The following CADM1 variants were observed in gnomAD, a reference collection of about 807,000 sequenced individuals.
CADM1 encodes the protein TSLC-1.
A neutral mutation model predicts 53.1 loss-of-function variants in CADM1; 15 were observed. The observed-to-expected ratio is 0.28, with a 90% confidence interval of 0.19 to 0.44. The LOEUF is 0.44. Ranked by LOEUF, CADM1 falls within the 20% of genes least tolerant of loss-of-function variation. CADM1 has a pLI of 1.00. For synonymous variants in CADM1, 281 were observed against 243.0 expected (o/e 1.16, Z -1.45); for missense variants, 434 against 611.3 (o/e 0.71, Z 3.06).
chr11:115,468,759 G>A (rs956893343), intron 1 of CADM1, among the ~76,000 whole-genome samples: 1 of 152,154 alleles, frequency 6.6e-6, no homozygotes, highest in Non-Finnish European at 1.5e-5. Flanking sequence ...ACCTGTATTA[G>A]TCTGTTCTCA....
chr11:115,491,149 AG>A (rs996267953), intron 1 of CADM1, among the ~76,000 whole-genome samples: 2 of 152,156 alleles, frequency 1.3e-5, no homozygotes, highest in African/African-American at 4.8e-5. Flanking sequence ...TTGGATAAGG[AG>A]AAGGGTTAAA....
chr11:115,235,830 T>C (rs1232513776), intron 3 of CADM1, among the ~76,000 whole-genome samples: 3 of 152,204 alleles, frequency 2.0e-5, no homozygotes, highest in Non-Finnish European at 4.4e-5. Context: ...ATATTAATCT[T>C]AAAGAAGTGT....
intron 1 of CADM1, among the ~76,000 whole-genome samples, chr11:115,370,027 C>T (rs1669193314): frequency 6.6e-6 from 1 of 152,178 alleles, no homozygotes; most frequent in South Asian, 2.1e-4. Flanking sequence ...CTTCATAGCC[C>T]TGATCTCTCC....
Position 115,238,533 on chromosome 11 carries a change from G to A in CADM1, c.391C>T (p.Pro131Ser). 1 of 1,613,876 alleles carries A rather than the reference G, an allele frequency of 6.2e-7. No individual in the cohort carries two copies. Among genetic ancestry groups the A allele is most frequent in the Non-Finnish European group, 8.5e-7 (1 of 1,179,834 alleles). Reference protein sequence around the residue: ...RYFCQLYTDPPQESYTTITVL... With the variant: ...RYFCQLYTDPSQESYTTITVL... ...GTGATGGTGGTGTAACTTTCCTGTGGGGGATCGGTATAGAGCTGGCAAAAG... is the reference window on the plus strand; with the variant it reads ...GTGATGGTGGTGTAACTTTCCTGTGAGGGATCGGTATAGAGCTGGCAAAAG... Residue 131 changes from proline (P) to serine (S), a missense_variant, in exon 3 of 12, where the codon CCA becomes TCA. Pro to Ser is a moderately conservative substitution (Grantham distance 74, BLOSUM62 -1). Transcript: ENST00000331581.
intron 1 of CADM1, among the ~76,000 whole-genome samples, chr11:115,356,585 T>C (rs1945877126): frequency 6.6e-6 from 1 of 152,182 alleles, no homozygotes; most frequent in Non-Finnish European, 1.5e-5. Context: ...ATATTCCATA[T>C]CCTTATAAGG....
At chr11:115,274,868 C>T (rs555194844) in intron 1 of CADM1, among the ~76,000 whole-genome samples, 2 of 152,146 alleles carry the variant, frequency 1.3e-5, no homozygotes, top group African/African-American at 2.4e-5. Context: ...TCACCATAAG[C>T]GCTCTCCTTT....
Position 115,175,227 on chromosome 11 carries a change from T to G in CADM1, c.*1247A>C, listed in dbSNP as rs1430207360. On this transcript the variant is annotated 3_prime_UTR_variant, in exon 12 of 12. Transcript: ENST00000331581. The stretch of plus-strand genomic sequence containing the variant: ...ACCAGTGTGAGAACAATACCAGCCC[T>G]TCTTTTGTACCTCCTGCCTTTGTCA... 1.0e-6 allele frequency: 1 copy of G among 985,726 alleles called. No individual in the cohort carries two copies. Among genetic ancestry groups the G allele is most frequent in the Non-Finnish European group, 1.2e-6 (1 of 829,938 alleles). 61.1% of individuals were successfully genotyped at this position (985,726 alleles called of 1,614,324 possible).
intron 1 of CADM1, among the ~76,000 whole-genome samples, chr11:115,425,386 T>C (rs961030445): frequency 6.6e-6 from 1 of 152,218 alleles, no homozygotes; most frequent in Non-Finnish European, 1.5e-5. Flanking sequence ...AGCTGTGATT[T>C]TAATAACATG....
At chr11:115,452,963 C>G (rs1038726110) in intron 1 of CADM1, among the ~76,000 whole-genome samples, 1 of 152,022 alleles carries the variant, frequency 6.6e-6, no homozygotes, top group Non-Finnish European at 1.5e-5. Context: ...AACCTATAAG[C>G]ATGTAATGCT....
intron 1 of CADM1, among the ~76,000 whole-genome samples, chr11:115,503,818 G>T (rs999641149): frequency 2.6e-5 from 4 of 152,096 alleles, no homozygotes; most frequent in Admixed American, 1.3e-4. Flanking sequence ...GAGGCTTCGG[G>T]GATGGAGAAC....
intron 1 of CADM1, among the ~76,000 whole-genome samples, chr11:115,266,494 A>G (rs1465344818): frequency 6.6e-6 from 1 of 152,250 alleles, no homozygotes; most frequent in Non-Finnish European, 1.5e-5. Context: ...ACTGGGCCAC[A>G]GAGGAGGTTC....
chr11:115,191,038 C>G (rs1271199041), intron 9 of CADM1, 97 bp from the exon 10 acceptor site: 1 of 956,944 alleles, frequency 1.0e-6, no homozygotes, highest in Admixed American at 2.1e-5. Context: ...AAACATGAGC[C>G]AAATCTCTTG....
intron 1 of CADM1, among the ~76,000 whole-genome samples, chr11:115,292,445 C>T (rs768033698): frequency 2.6e-5 from 4 of 152,214 alleles, no homozygotes; most frequent in Non-Finnish European, 5.9e-5. Context: ...CATGCCTCAA[C>T]TTCCCTAATA....
At chr11:115,376,035 C>A (rs1946429224) in intron 1 of CADM1, among the ~76,000 whole-genome samples, 1 of 151,908 alleles carries the variant, frequency 6.6e-6, no homozygotes, top group African/African-American at 2.4e-5. Flanking sequence ...TTCCAGATAG[C>A]AAACTTGTAA....
intron 1 of CADM1, among the ~76,000 whole-genome samples, chr11:115,313,523 C>T (rs1489335207): frequency 2.0e-5 from 3 of 152,108 alleles, no homozygotes; most frequent in African/African-American, 7.2e-5. Context: ...AGTCTAAGAT[C>T]AACTAGCTTT....
At position 115,466,708 on chromosome 11, in the gene CADM1, C is replaced by T. The variant is rs561994864; in HGVS notation, c.124+37563G>A. ...TTCAAAATTCTTTCAATTAGGATCT[C>T]GAGTTTTTGTGCTGCAATAAGTCTA... is the stretch of plus-strand genomic sequence containing the variant. On this transcript the variant is annotated intron_variant, in intron 1 of 11. Coordinates refer to ENST00000331581, the MANE Select transcript of CADM1 (RefSeq NM_001301043.2). 6.6e-5 allele frequency among the ~76,000 whole-genome samples: 10 copies of T among 152,218 alleles called. No homozygotes were observed. The South Asian group carries it at 1.5e-3, about 22-fold the overall frequency.
chr11:115,387,789 T>C (rs1301831082), intron 1 of CADM1, among the ~76,000 whole-genome samples: 1 of 152,118 alleles, frequency 6.6e-6, no homozygotes, highest in East Asian at 1.9e-4. Context: ...CACATGCATG[T>C]GTGTGTATAT....
At chr11:115,236,289 G>A (rs1179075046) in intron 3 of CADM1, among the ~76,000 whole-genome samples, 1 of 152,110 alleles carries the variant, frequency 6.6e-6, no homozygotes, top group East Asian at 1.9e-4. Flanking sequence ...AGAAACGTTG[G>A]AATATACGAG....
intron 1 of CADM1, among the ~76,000 whole-genome samples, chr11:115,268,557 C>G (rs1395642664): frequency 1.3e-5 from 2 of 152,186 alleles, no homozygotes; most frequent in African/African-American, 2.4e-5. Flanking sequence ...GTCCTTGAAG[C>G]AGGGAAAGGA....
Sources: gnomAD v4.1 joint callset for allele counts (sites outside exome capture counted in the v4.1 genomes callset) on GRCh38, gnomAD v4.1.1 for gene constraint, MANE v1.5 for transcripts, NCBI Gene and HGNC (gene_info 2026-07-23, HGNC 2026-07-21) for gene names.